Variants in ADH1C observed in about 807,000 individuals in gnomAD.
ADH1C encodes the protein alcohol dehydrogenase 1C (class I), gamma polypeptide.
A neutral mutation model predicts 35.0 loss-of-function variants in ADH1C; 26 were observed. That is an observed-to-expected ratio of 0.74 (90% CI 0.54 to 1.03). The LOEUF is 1.03. ADH1C is among the 50% of genes least tolerant of loss of function. ADH1C has a pLI of 0.00. For missense variants in ADH1C, 413 were observed against 465.4 expected, an observed-to-expected ratio of 0.89 and a Z score of 1.04; for synonymous variants, 170 against 169.3, an observed-to-expected ratio of 1.00 and a Z score of -0.03.
intron 1 of ADH1C, among the ~76,000 whole-genome samples, chr4:99,348,267 C>T (rs1734588882): frequency 9.5e-6 from 1 of 104,880 alleles, no homozygotes; most frequent in South Asian, 4.1e-4. Flanking sequence ...CCAATGCTAT[C>T]CCTCCCCCCT....
In ADH1C at chr4:99,346,990, A is replaced by G; in HGVS notation, c.259+16T>C. The G allele has an allele frequency of 6.2e-7, 1 of 1,611,250 alleles. No homozygotes were observed. Among genetic ancestry groups the G allele is most frequent in the Non-Finnish European group, 8.5e-7 (1 of 1,178,914 alleles). On this transcript the variant is annotated intron_variant, in intron 3 of 8. Transcript: ENST00000515683. ...ATGGTGAACCAAGGCATGTTCCCTGAGTGTGAATCCTGTACCTGGTTTGAC... is the reference window on the plus strand; with the variant it reads ...ATGGTGAACCAAGGCATGTTCCCTGGGTGTGAATCCTGTACCTGGTTTGAC...
chr4:99,339,731 T>C lies in ADH1C; in HGVS notation c.965-16A>G, dbSNP rs1734370392. ...CTCTTAAAGCCTGAAAAGAAGAAAA[T>C]ATCATTGATAGATTCAACCAGGGTA... On this transcript the variant is annotated splice_polypyrimidine_tract_variant and intron_variant, in intron 7 of 8. Coordinates refer to ENST00000515683, the MANE Select transcript of ADH1C (RefSeq NM_000669.5). 1 of 1,597,078 alleles carries C rather than the reference T, an allele frequency of 6.3e-7. No individual in the cohort carries two copies. Among genetic ancestry groups the C allele is most frequent in the African/African-American group, 1.4e-5 (1 of 73,636 alleles).
At chr4:99,338,301 G>T (rs183389061) in intron 8 of ADH1C, among the ~76,000 whole-genome samples, 15 of 146,880 alleles carry the variant, frequency 1.0e-4, no homozygotes, top group African/African-American at 3.5e-4. Flanking sequence ...TCTGGTTTTG[G>T]TCATCTCTAT....
At chr4:99,351,899 T>C (rs1284270079) in intron 1 of ADH1C, among the ~76,000 whole-genome samples, 1 of 152,210 alleles carries the variant, frequency 6.6e-6, no homozygotes, top group Non-Finnish European at 1.5e-5. Flanking sequence ...GAAAAATAAG[T>C]ATAAATTTAT....
chr4:99,341,518 A>G (rs779139831), intron 6 of ADH1C, among the ~76,000 whole-genome samples: 3 of 152,224 alleles, frequency 2.0e-5, no homozygotes, highest in Non-Finnish European at 2.9e-5. Flanking sequence ...AAAAGAGCAT[A>G]AGGAGAAAAG....
At chr4:99,346,026 T>C (rs996211519) in intron 3 of ADH1C, among the ~76,000 whole-genome samples, 2 of 152,206 alleles carry the variant, frequency 1.3e-5, no homozygotes, top group East Asian at 3.8e-4. Context: ...TTAATTTTTT[T>C]CTGAGTAAAG....
At chr4:99,346,866 AG>A in intron 3 of ADH1C, 139 bp downstream of exon 3, 2 of 1,383,402 alleles carry the variant, frequency 1.4e-6, no homozygotes, top group African/African-American at 2.9e-5. Context: ...CAGAGAGGGA[AG>A]GAGGAAACCC....
chr4:99,339,782 T>G, intron 7 of ADH1C, 67 bp from the exon 8 acceptor site: 1 of 1,487,734 alleles, frequency 6.7e-7, no homozygotes, highest in Non-Finnish European at 9.1e-7. Flanking sequence ...GAGAAGATTT[T>G]CCAAATAAAT....
At chr4:99,347,606 T>TA in intron 2 of ADH1C, 139 bp downstream of exon 2, 1 of 1,030,666 alleles carries the variant, frequency 9.7e-7, no homozygotes, top group Non-Finnish European at 1.4e-6. Flanking sequence ...AATTTATACT[T>TA]TCCTTGACAA....
chr4:99,338,393 TTCTATATA>T lies in ADH1C; in HGVS notation c.1103+1176_1103+1183del, dbSNP rs1450713933. Among the ~76,000 whole-genome samples, 11 of 73,090 alleles carry T rather than the reference TTCTATATA, an allele frequency of 1.5e-4. 1 individual carries two copies. Among genetic ancestry groups the T allele is most frequent in the South Asian group, 6.7e-4 (1 of 1,490 alleles). The allele number at this position is 73,090 out of a possible 152,430, so 47.9% of individuals were successfully genotyped here. A position where few individuals can be genotyped will look rare whatever the true frequency, so the allele number is the denominator to read the frequency against. ...TAATTAACCTTTGATGAATACTGTT[TTCTATATA>T]TATATATATATATATATATATATAT... On this transcript the variant is annotated intron_variant, in intron 8 of 8. Coordinates refer to ENST00000515683, the MANE Select transcript of ADH1C (RefSeq NM_000669.5).
chr4:99,348,197 A>G (rs1199204934), intron 1 of ADH1C, among the ~76,000 whole-genome samples: 6 of 151,680 alleles, frequency 4.0e-5, no homozygotes, highest in African/African-American at 1.2e-4. Flanking sequence ...ACATATGTAT[A>G]TATGTGCCAT....
intron 5 of ADH1C, among the ~76,000 whole-genome samples, chr4:99,343,983 T>C (rs1005962999): frequency 5.3e-5 from 8 of 152,182 alleles, no homozygotes; most frequent in Non-Finnish European, 7.4e-5. Context: ...TTCAATACTA[T>C]GGGGGACAAC....
chr4:99,346,496 G>A (rs1310077865), intron 3 of ADH1C, among the ~76,000 whole-genome samples: 3 of 151,574 alleles, frequency 2.0e-5, no homozygotes, highest in African/African-American at 4.8e-5. Context: ...GAGAGACCAT[G>A]TTGGAAGAGG....
intron 8 of ADH1C, among the ~76,000 whole-genome samples, chr4:99,338,627 T>C (rs1267634634): frequency 6.7e-6 from 1 of 149,368 alleles, no homozygotes; most frequent in African/African-American, 2.5e-5. Context: ...TGAGCGTTGT[T>C]TGGGAATCAC....
chr4:99,347,730 G>T lies in ADH1C; in HGVS notation c.120+15C>A. ...TTAAACTTAAAATTAAATACAAATG[G>T]AAAAAGTATTTCACCTTAATGCGAA... On this transcript the variant is annotated intron_variant, in intron 2 of 8. Coordinates refer to ENST00000515683, the MANE Select transcript of ADH1C (RefSeq NM_000669.5). 1 of 1,588,094 alleles carries T rather than the reference G, an allele frequency of 6.3e-7. No individual in the cohort carries two copies. Among genetic ancestry groups the T allele is most frequent in the Non-Finnish European group, 8.6e-7 (1 of 1,167,320 alleles).
intron 6 of ADH1C, among the ~76,000 whole-genome samples, chr4:99,342,569 C>A (rs1207694403): frequency 6.6e-6 from 1 of 151,910 alleles, no homozygotes; most frequent in African/African-American, 2.4e-5. Flanking sequence ...AAAAACAAGC[C>A]CTTTTTCTTT....
rs1278662572 is a variant in ADH1C, at chr4:99,344,786, C to G, written c.567+76G>C. On this transcript the variant is annotated intron_variant, in intron 5 of 8. Coordinates refer to ENST00000515683, the MANE Select transcript of ADH1C (RefSeq NM_000669.5). ...AAATCTACAAAAATAATTTCTGATT[C>G]TTGCAAGAAATTGCTTCCCTTTTGG... The G allele has an allele frequency of 2.6e-6, 4 of 1,567,244 alleles. No homozygotes were observed. In the African/African-American group the frequency reaches 5.4e-5, roughly 21 times the overall value.
At chr4:99,345,427 T>C (rs977557506) in intron 3 of ADH1C, among the ~76,000 whole-genome samples, 161 bp from the exon 4 acceptor site, 9 of 152,252 alleles carry the variant, frequency 5.9e-5, no homozygotes, top group Non-Finnish European at 4.4e-5. Flanking sequence ...TGCCAAGGCA[T>C]TGTTTTTTAG....
chr4:99,345,761 C>G (rs1298245707), intron 3 of ADH1C, among the ~76,000 whole-genome samples: 2 of 152,196 alleles, frequency 1.3e-5, no homozygotes, highest in East Asian at 3.9e-4. Context: ...TTCAAAGAGA[C>G]TAGGTTTATC....
Sources: allele counts gnomAD v4.1 joint callset (sites outside exome capture counted in the v4.1 genomes callset), GRCh38; gene constraint gnomAD v4.1.1; transcripts MANE v1.5; gene names NCBI Gene and HGNC (gene_info 2026-07-23, HGNC 2026-07-21).